Variants in SGCD observed in about 807,000 individuals in gnomAD.
SGCD encodes delta-sarcoglycan.
A neutral mutation model predicts 36.6 loss-of-function variants in SGCD; 18 were observed. The observed-to-expected ratio is 0.49, with a 90% CI of 0.34 to 0.73. The LOEUF is 0.73. Among genes scored for constraint, SGCD ranks in the 30% least tolerant of loss-of-function variants. The probability of loss-of-function intolerance (pLI) is 0.01; values close to 1 mark genes in which losing one functional copy is unlikely to be tolerated. For synonymous variants in SGCD, 133 were observed against 130.6 expected (o/e 1.02, Z -0.12); for missense variants, 387 against 346.7 (o/e 1.12, Z -0.92).
intron 1 of SGCD, among the ~76,000 whole-genome samples, chr5:155,960,613 G>A (rs1408579647): frequency 6.6e-6 from 1 of 152,096 alleles, no homozygotes; most frequent in African/African-American, 2.4e-5. Flanking sequence ...CCTGAGAAAG[G>A]AGAGGCCTTT....
At chr5:155,825,022 G>A in the SGCD span, among the ~76,000 whole-genome samples, 11 of 152,178 alleles carry the variant, frequency 7.2e-5, no homozygotes, top group East Asian at 5.8e-4. Flanking sequence ...TTCATTTATC[G>A]TTGATAATGT....
intron 7 of SGCD, among the ~76,000 whole-genome samples, chr5:156,669,093 G>A (rs1753183456): frequency 1.3e-5 from 2 of 152,206 alleles, no homozygotes; most frequent in Non-Finnish European, 2.9e-5. Flanking sequence ...GGTGGTGAAG[G>A]CCTCTAGAGA....
At chr5:156,521,203 T>G (rs1053290732) in intron 4 of SGCD, among the ~76,000 whole-genome samples, 6 of 151,896 alleles carry the variant, frequency 4.0e-5, no homozygotes, top group African/African-American at 1.5e-4. Context: ...AAAATCAACT[T>G]AAGGTGGATT....
intron 1 of SGCD, among the ~76,000 whole-genome samples, chr5:155,934,144 A>T (rs1235710663): frequency 6.6e-6 from 1 of 152,254 alleles, no homozygotes; most frequent in Non-Finnish European, 1.5e-5. Flanking sequence ...ACAGTATCAG[A>T]TGGGAGTGGA....
intron 5 of SGCD, among the ~76,000 whole-genome samples, chr5:156,593,483 A>G (rs1159752829): frequency 6.6e-6 from 1 of 152,070 alleles, no homozygotes; most frequent in Non-Finnish European, 1.5e-5. Flanking sequence ...ACATCCCCCT[A>G]TCCTGGCTAA....
chr5:156,566,701 A>G (rs1759491961), intron 4 of SGCD, among the ~76,000 whole-genome samples: 1 of 152,186 alleles, frequency 6.6e-6, no homozygotes, highest in South Asian at 2.1e-4. Context: ...CCATGAATAC[A>G]TGACAGATAT....
At chr5:156,236,535 T>C (rs1234054402) in intron 3 of SGCD, among the ~76,000 whole-genome samples, 1 of 151,688 alleles carries the variant, frequency 6.6e-6, no homozygotes, top group African/African-American at 2.4e-5. Flanking sequence ...CTGCAAGCTC[T>C]GCCTCCCGGG....
intron 3 of SGCD, among the ~76,000 whole-genome samples, chr5:156,383,535 A>AG (rs1771112067): frequency 6.6e-6 from 1 of 152,006 alleles, no homozygotes; most frequent in Admixed American, 6.6e-5. Flanking sequence ...AGAAAAAAAA[A>AG]TAGGACATTT....
upstream of SGCD, among the ~76,000 whole-genome samples, chr5:155,869,434 G>T (rs1755587939): frequency 6.6e-6 from 1 of 151,976 alleles, no homozygotes. Context: ...CTTGTAAAAT[G>T]ATTTTCATCT....
At chr5:155,887,795 A>G (rs1327211735) in intron 1 of SGCD, among the ~76,000 whole-genome samples, 3 of 152,206 alleles carry the variant, frequency 2.0e-5, no homozygotes, top group African/African-American at 7.2e-5. Context: ...CCTTCTCTCC[A>G]TCAATTATTC....
At chr5:156,462,850 A>G (rs930391093) in intron 3 of SGCD, among the ~76,000 whole-genome samples, 1 of 152,174 alleles carries the variant, frequency 6.6e-6, no homozygotes, top group Non-Finnish European at 1.5e-5. Flanking sequence ...CCACCCTAAT[A>G]GAATTGTATG....
chr5:156,188,882 A>C (rs539512720), intron 3 of SGCD, among the ~76,000 whole-genome samples: 1 of 152,100 alleles, frequency 6.6e-6, no homozygotes, highest in Non-Finnish European at 1.5e-5. Context: ...TAATTCCCTC[A>C]ACAGAATTCC....
intron 3 of SGCD, among the ~76,000 whole-genome samples, chr5:156,133,625 T>G (rs187514079): frequency 1.9e-3 from 294 of 152,324 alleles, no homozygotes; most frequent in African/African-American, 6.3e-3. Context: ...AACTAAAGGA[T>G]ACTTCCTTTA....
intron 3 of SGCD, among the ~76,000 whole-genome samples, chr5:156,394,794 G>A (rs557872629): frequency 1.1e-4 from 16 of 152,194 alleles, no homozygotes; most frequent in East Asian, 9.6e-4. Context: ...TTATGGATGC[G>A]CCAATTCTGT....
intron 3 of SGCD, among the ~76,000 whole-genome samples, chr5:156,146,758 G>C (rs1762718095): frequency 6.6e-6 from 1 of 152,186 alleles, no homozygotes; most frequent in African/African-American, 2.4e-5. Flanking sequence ...AACCACTAGA[G>C]AGTTAAAGTA....
At chr5:156,325,398 C>T (rs1051529824), upstream of SGCD, among the ~76,000 whole-genome samples, 1 of 151,600 alleles carries the variant, frequency 6.6e-6, no homozygotes, top group Admixed American at 6.6e-5. Flanking sequence ...TATTTATAGG[C>T]AGTCATAAAC....
At chr5:156,190,888 T>G (rs1158969027) in intron 3 of SGCD, among the ~76,000 whole-genome samples, 1 of 152,122 alleles carries the variant, frequency 6.6e-6, no homozygotes, top group Non-Finnish European at 1.5e-5. Context: ...TCTTATAAAA[T>G]TAGCTTCTGA....
chr5:156,052,200 C>T lies in SGCD; in HGVS notation c.-281-65678C>T, dbSNP rs1040641760. ...CTCTGCTGCAAATGTCGTGAACTTC[C>T]TGAGGCTCCACCTCAGTAGACAGGC... On this transcript the variant is annotated intron_variant, in intron 1 of 9. Coordinates refer to the SGCD transcript ENST00000517913. Among the ~76,000 whole-genome samples, 2 of 146,164 alleles carry T rather than the reference C, an allele frequency of 1.4e-5. 1 individual carries two copies. The highest frequency in any genetic ancestry group is 3.1e-5 in the Non-Finnish European group (2 of 64,794).
intron 1 of SGCD, among the ~76,000 whole-genome samples, chr5:155,903,867 C>A (rs888818172): frequency 6.6e-6 from 1 of 152,184 alleles, no homozygotes; most frequent in Non-Finnish European, 1.5e-5. Context: ...TTTCAACTTA[C>A]TGTGCGTGTT....
Sources: gnomAD v4.1 joint callset for allele counts (sites outside exome capture counted in the v4.1 genomes callset) on GRCh38, gnomAD v4.1.1 for gene constraint, MANE v1.5 for transcripts, NCBI Gene and HGNC (gene_info 2026-07-23, HGNC 2026-07-21) for gene names.